Variants in RNF220 observed in about 807,000 individuals in gnomAD.
RNF220 encodes E3 ubiquitin-protein ligase RNF220.
A neutral mutation model predicts 67.1 loss-of-function variants in RNF220; 7 were observed. The observed-to-expected ratio is 0.10, with a 90% CI of 0.06 to 0.20. RNF220 has a LOEUF of 0.20. Among genes scored for constraint, RNF220 ranks in the 10% least tolerant of loss-of-function variants. RNF220 has a pLI of 1.00. For missense variants in RNF220, 565 were observed against 740.3 expected, an observed-to-expected ratio of 0.76 and a Z score of 2.75; for synonymous variants, 270 against 283.2, an observed-to-expected ratio of 0.95 and a Z score of 0.47.
chr1:44,537,509 G>C (rs1156770518), intron 2 of RNF220, among the ~76,000 whole-genome samples: 1 of 152,116 alleles, frequency 6.6e-6, no homozygotes, highest in African/African-American at 2.4e-5. Flanking sequence ...CCCATGCATA[G>C]AGGGGGATCC....
rs145938491 is a variant in RNF220 at position 44,476,517 on chromosome 1, G to C, written c.625+63795G>C. Among the ~76,000 whole-genome samples the C allele has an allele frequency of 4.6e-5, 7 of 152,304 alleles. No homozygotes were observed. In the East Asian group the frequency reaches 1.2e-3, roughly 25 times the overall value. The stretch of plus-strand genomic sequence containing the variant: ...TACCGGGATCCATGCCCTGACTGCT[G>C]TTTCTACCCTGTCCTTAGGAGAAGA... On this transcript the variant is annotated intron_variant, in intron 2 of 14. Coordinates refer to ENST00000361799, the MANE Select transcript of RNF220 (RefSeq NM_018150.4).
chr1:44,425,824 G>A (rs191644816), intron 2 of RNF220, among the ~76,000 whole-genome samples: 9 of 152,244 alleles, frequency 5.9e-5, no homozygotes, highest in Admixed American at 5.2e-4. Context: ...GTCTATCTAC[G>A]TCTGTCTCAA....
In RNF220 at chr1:44,521,318, T is replaced by C. The variant is rs147283241; in HGVS notation, c.626-92847T>C. ...GGACTATCAAGCAAATGCTAGGTAC[T>C]GTGCTTGACAGGGGACATAAAGCAG... On this transcript the variant is annotated intron_variant, in intron 2 of 14. Coordinates refer to ENST00000361799, the MANE Select transcript of RNF220 (RefSeq NM_018150.4). 5.9e-5 allele frequency among the ~76,000 whole-genome samples: 9 copies of C among 152,374 alleles called. No homozygotes were observed. The East Asian group carries it at 1.7e-3, about 29-fold the overall frequency.
intron 2 of RNF220, among the ~76,000 whole-genome samples, chr1:44,510,232 C>T (rs992979349): frequency 2.3e-5 from 3 of 131,530 alleles, no homozygotes; most frequent in Non-Finnish European, 4.7e-5. Context: ...GAGTGAGACC[C>T]TGAAAAAAAA....
chr1:44,447,082 A>T (rs1364686577), intron 2 of RNF220, among the ~76,000 whole-genome samples: 1 of 152,226 alleles, frequency 6.6e-6, no homozygotes, highest in Non-Finnish European at 1.5e-5. Context: ...TTTATTTCCT[A>T]AAAAAGCAAA....
At chr1:44,515,950 A>G (rs996992841) in intron 2 of RNF220, among the ~76,000 whole-genome samples, 1 of 152,214 alleles carries the variant, frequency 6.6e-6, no homozygotes, top group African/African-American at 2.4e-5. Context: ...GCCTCTGGGT[A>G]TCACTTGGCT....
At chr1:44,626,574 G>A (rs1169960108) in intron 5 of RNF220, 176 bp downstream of exon 5, 7 of 605,216 alleles carry the variant, frequency 1.2e-5, no homozygotes, top group African/African-American at 9.3e-5. Context: ...ACGTGTCAGG[G>A]AATAGGCCTT....
At chr1:44,638,142 T>TGATA (rs1489330975) in intron 8 of RNF220, among the ~76,000 whole-genome samples, 3 of 152,188 alleles carry the variant, frequency 2.0e-5, no homozygotes, top group Non-Finnish European at 4.4e-5. Flanking sequence ...CTACCCTCCC[T>TGATA]GGCCAGGACT....
intron 2 of RNF220, among the ~76,000 whole-genome samples, chr1:44,415,773 G>C (rs1412254802): frequency 6.6e-6 from 1 of 152,100 alleles, no homozygotes; most frequent in African/African-American, 2.4e-5. Flanking sequence ...CTGAGTTTTA[G>C]GTCATTAAGA....
At chr1:44,601,838 T>A (rs970872039) in intron 2 of RNF220, among the ~76,000 whole-genome samples, 4 of 152,206 alleles carry the variant, frequency 2.6e-5, no homozygotes, top group Non-Finnish European at 4.4e-5. Flanking sequence ...TATTGGCACA[T>A]ATCTGCATGG....
chr1:44,426,364 TG>T (rs1440643896), intron 2 of RNF220, among the ~76,000 whole-genome samples: 1 of 152,210 alleles, frequency 6.6e-6, no homozygotes, highest in African/African-American at 2.4e-5. Context: ...TGGAAGGGCC[TG>T]CCCCTTAGGC....
chr1:44,463,794 C>G (rs575888020), intron 2 of RNF220, among the ~76,000 whole-genome samples: 1 of 152,300 alleles, frequency 6.6e-6, no homozygotes, highest in East Asian at 1.9e-4. Flanking sequence ...AGAGCCACTC[C>G]CTTCTAATTC....
intron 2 of RNF220, among the ~76,000 whole-genome samples, chr1:44,579,848 GT>G (rs1665103230): frequency 6.6e-6 from 1 of 151,708 alleles, no homozygotes; most frequent in South Asian, 2.1e-4. Flanking sequence ...GGGCAACATG[GT>G]GAGAATCCAT....
chr1:44,590,365 C>T (rs1479771343), intron 2 of RNF220, among the ~76,000 whole-genome samples: 1 of 152,214 alleles, frequency 6.6e-6, no homozygotes, highest in Admixed American at 6.5e-5. Context: ...TGCTCCCAAG[C>T]TTGTGGTCCT....
intron 1 of RNF220, among the ~76,000 whole-genome samples, chr1:44,407,531 C>G (rs1461716667): frequency 1.3e-5 from 2 of 152,100 alleles, no homozygotes; most frequent in African/African-American, 4.8e-5. Flanking sequence ...TCGCTTGCTG[C>G]GCTTCGAGGC....
Position 44,645,608 on chromosome 1 carries a change from TGCCC to T in RNF220, c.1445+121_1445+124del. On this transcript the variant is annotated intron_variant, in intron 12 of 14. Transcript: ENST00000361799. This position sits in a 1 kb window ranked among gnomAD's most constrained non-coding sequence, Gnocchi z 5.0. ...CCTCCCAAGTGCAGCTCAGTGCTGCTGCCCTGGGCACACGGCCGGCAGTGGAGCC... is the reference window on the plus strand; with the variant it reads ...CCTCCCAAGTGCAGCTCAGTGCTGCTTGGGCACACGGCCGGCAGTGGAGCC... The T allele has an allele frequency of 2.1e-6, 2 of 970,880 alleles. No homozygotes were observed. Among genetic ancestry groups the T allele is most frequent in the Non-Finnish European group, 3.1e-6 (2 of 635,428 alleles). The allele number at this position is 970,880 out of a possible 1,614,324, so 60.1% of individuals were successfully genotyped here. A position where few individuals can be genotyped will look rare whatever the true frequency, so the allele number is the denominator to read the frequency against.
intron 2 of RNF220, among the ~76,000 whole-genome samples, chr1:44,573,234 G>A (rs1223059837): frequency 6.6e-6 from 1 of 152,194 alleles, no homozygotes; most frequent in African/African-American, 2.4e-5. Flanking sequence ...AGAACACTAT[G>A]TGTTGGGTGC....
intron 2 of RNF220, among the ~76,000 whole-genome samples, chr1:44,610,879 GCC>G (rs1012006720): frequency 6.6e-6 from 1 of 152,154 alleles, no homozygotes; most frequent in African/African-American, 2.4e-5. Flanking sequence ...CAAGACCACA[GCC>G]CCCTCGTCTT....
intron 2 of RNF220, among the ~76,000 whole-genome samples, chr1:44,420,168 G>C (rs1649052786): frequency 6.6e-6 from 1 of 152,230 alleles, no homozygotes; most frequent in Admixed American, 6.5e-5. Flanking sequence ...AATGAAAGTT[G>C]TGTTTTTGCT....
Sources: allele counts gnomAD v4.1 joint callset (sites outside exome capture counted in the v4.1 genomes callset), GRCh38; gene constraint gnomAD v4.1.1; non-coding constraint Gnocchi (gnomAD v3.1); transcripts MANE v1.5; gene names NCBI Gene and HGNC (gene_info 2026-07-23, HGNC 2026-07-21).